MYLK4: variants seen among roughly 807,000 people sequenced by gnomAD.
MYLK4 encodes caMLCK like.
In MYLK4, 46 loss-of-function variants were observed where a neutral mutation model predicts 48.1. The observed-to-expected ratio is 0.96, with a 90% CI of 0.75 to 1.22. The LOEUF is 1.22. MYLK4 is among the 50% of genes most tolerant of loss of function. The pLI, the probability that MYLK4 is intolerant of heterozygous loss-of-function variation, is 0.00. For missense variants in MYLK4, 451 were observed against 486.1 expected (o/e 0.93, Z 0.68); for synonymous variants, 170 against 180.8 (o/e 0.94, Z 0.48).
chr6:2,685,448 C>T lies in MYLK4; in HGVS notation c.435+35G>A, dbSNP rs369747871. 37 of 934,078 alleles carry T rather than the reference C, an allele frequency of 4.0e-5. No individual in the cohort carries two copies. Among genetic ancestry groups the T allele is most frequent in the African/African-American group, 1.0e-4 (6 of 58,510 alleles). The allele number at this position is 934,078 out of a possible 1,614,324, so 57.9% of individuals were successfully genotyped here. On this transcript the variant is annotated intron_variant, in intron 5 of 12. Coordinates refer to ENST00000274643, the MANE Select transcript of MYLK4 (RefSeq NM_001012418.5). This position sits in a 1 kb window ranked among gnomAD's most constrained non-coding sequence, Gnocchi z 4.5. ...GTGCATTAGTGTGGTCAAGATGGGG[C>T]GGGGAGGGAGGGGACCACCTCCCAC... is the stretch of plus-strand genomic sequence containing the variant.
At chr6:2,727,637 C>A (rs550868585) in intron 2 of MYLK4, among the ~76,000 whole-genome samples, 1 of 152,094 alleles carries the variant, frequency 6.6e-6, no homozygotes, top group Non-Finnish European at 1.5e-5. Context: ...ACTAATAAGA[C>A]GGTTCATATC....
intron 11 of MYLK4, 109 bp downstream of exon 11, chr6:2,674,938 G>T: frequency 1.2e-6 from 1 of 847,840 alleles, no homozygotes; most frequent in South Asian, 1.5e-5. Flanking sequence ...CAGTCTGTGA[G>T]AAAAAGAATG....
At chr6:2,736,350 G>C (rs1343900014) in intron 2 of MYLK4, among the ~76,000 whole-genome samples, 1 of 152,218 alleles carries the variant, frequency 6.6e-6, no homozygotes, top group Non-Finnish European at 1.5e-5. Flanking sequence ...CGCCTCCCAG[G>C]TTCAAGCAAA....
chr6:2,710,744 A>G (rs561375150), intron 2 of MYLK4, among the ~76,000 whole-genome samples: 12 of 152,318 alleles, frequency 7.9e-5, no homozygotes, highest in Middle Eastern at 3.4e-3. Context: ...AAGAAACAAG[A>G]CCTAGACCAA....
intron 2 of MYLK4, among the ~76,000 whole-genome samples, chr6:2,716,027 T>C (rs902375796): frequency 1.3e-5 from 2 of 152,130 alleles, no homozygotes; most frequent in African/African-American, 4.8e-5. Context: ...GCCTATTTTT[T>C]TTTTAAACTC....
chr6:2,707,266 A>G (rs1460465843), intron 2 of MYLK4, among the ~76,000 whole-genome samples: 1 of 152,210 alleles, frequency 6.6e-6, no homozygotes, highest in Non-Finnish European at 1.5e-5. Flanking sequence ...CATTATTTTC[A>G]TGTATTAAAA....
the MYLK4 span, chr6:2,766,141 T>A: frequency 8.1e-7 from 1 of 1,241,282 alleles, no homozygotes; most frequent in Non-Finnish European, 1.0e-6. Context: ...GCGACGGCGA[T>A]GGCGACGGGG....
At position 2,688,867 on chromosome 6, in the gene MYLK4, T is replaced by C. The variant is rs1464730253; in HGVS notation, c.325A>G (p.Thr109Ala). The change falls in exon 4 of 13, where the codon ACA becomes GCA. Residue 109 changes from threonine to alanine, a missense_variant. By Grantham distance (58) the Thr-to-Ala change is moderately conservative. Transcript: ENST00000274643. The part of the protein sequence containing the change: ...AVNSFYTVSK[T>A]EILGGGRFGQ... Reference sequence around the variant, plus strand: ...CTTACTCACCCTCCTAGGATTTCTGTCTTGCTCACAGTATAGAAGCTGTTG... The same window carrying C: ...CTTACTCACCCTCCTAGGATTTCTGCCTTGCTCACAGTATAGAAGCTGTTG... The C allele has an allele frequency of 6.2e-7, 1 of 1,614,078 alleles. No individual in the cohort carries two copies. Among genetic ancestry groups the C allele is most frequent in the Non-Finnish European group, 8.5e-7 (1 of 1,179,902 alleles).
chr6:2,766,058 G>A, the MYLK4 span: 1 of 1,293,642 alleles, frequency 7.7e-7, no homozygotes, highest in Non-Finnish European at 9.8e-7. Context: ...GCCGGCGGCC[G>A]CCGCCGCGGC....
chr6:2,764,040 C>T, the MYLK4 span, among the ~76,000 whole-genome samples: 1 of 152,102 alleles, frequency 6.6e-6, no homozygotes, highest in African/African-American at 2.4e-5. Flanking sequence ...GCTGAGACAG[C>T]AGAATCACTG....
rs1760670708 is a variant in MYLK4 at position 2,666,752 on chromosome 6, G to A, written c.*1173C>T. Reference sequence around the variant, plus strand: ...TTCTGGGCCCCATAAGCTGTCTACAGTAGGGCCATTTCCTTTCTTACATAT... The same window carrying A: ...TTCTGGGCCCCATAAGCTGTCTACAATAGGGCCATTTCCTTTCTTACATAT... On this transcript the variant is annotated 3_prime_UTR_variant, in exon 13 of 13. Coordinates refer to ENST00000274643, the MANE Select transcript of MYLK4 (RefSeq NM_001012418.5). 1 of 152,218 alleles carries A rather than the reference G, an allele frequency of 6.6e-6. No homozygotes were observed. The highest frequency in any genetic ancestry group is 1.5e-5 in the Non-Finnish European group (1 of 68,048). 9.4% of individuals were successfully genotyped at this position (152,218 alleles called of 1,614,324 possible).
chr6:2,679,853 T>C (rs1367418369), intron 8 of MYLK4, among the ~76,000 whole-genome samples: 1 of 152,244 alleles, frequency 6.6e-6, no homozygotes, highest in Non-Finnish European at 1.5e-5. Flanking sequence ...TGAAGAATCT[T>C]TTATGTGCCA....
chr6:2,749,173 T>C lies in MYLK4; in HGVS notation c.122A>G (p.Asn41Ser), dbSNP rs760479278. Residue 41 changes from asparagine (N) to serine (S), a missense_variant, in exon 2 of 13, where the codon AAT (asparagine) becomes AGT (serine). Transcript: ENST00000274643. ...AGATCTTGAATCCTGGTCCCCAGAA[T>C]TTTTTTCCAGAAAACACTTCACTTT... is the stretch of plus-strand genomic sequence containing the variant. ...VEKVKCFLEK[N>S]SGDQDSRSGH... 1 of 1,613,250 alleles carries C rather than the reference T, an allele frequency of 6.2e-7. No individual in the cohort carries two copies. The highest frequency in any genetic ancestry group is 1.1e-5 in the South Asian group (1 of 91,044).
chr6:2,690,145 C>T (rs960785700), intron 3 of MYLK4, among the ~76,000 whole-genome samples: 2 of 152,200 alleles, frequency 1.3e-5, no homozygotes, highest in African/African-American at 4.8e-5. Context: ...ATTTCCTACC[C>T]AGTGGGGTCA....
intron 3 of MYLK4, among the ~76,000 whole-genome samples, chr6:2,690,115 A>C (rs1551777): frequency 0.35 from 52,776 of 152,066 alleles, 9,658 homozygotes; most frequent in African/African-American, 0.48. Flanking sequence ...AAAAAGCCTT[A>C]AAAGGCCCAT....
intron 2 of MYLK4, among the ~76,000 whole-genome samples, chr6:2,727,672 A>G (rs1763324366): frequency 6.6e-6 from 1 of 152,112 alleles, no homozygotes; most frequent in African/African-American, 2.4e-5. Context: ...ATTATTAATA[A>G]TAGCTATCAT....
chr6:2,700,801 T>G (rs774657298), intron 2 of MYLK4, among the ~76,000 whole-genome samples: 10 of 152,270 alleles, frequency 6.6e-5, no homozygotes, highest in Non-Finnish European at 5.9e-5. Flanking sequence ...GAAAGTGATT[T>G]AATTCCTCCA....
intron 2 of MYLK4, among the ~76,000 whole-genome samples, chr6:2,705,698 T>TA (rs1159616943): frequency 6.6e-6 from 1 of 152,182 alleles, no homozygotes; most frequent in African/African-American, 2.4e-5. Flanking sequence ...AGAAGAAATC[T>TA]GAAAAAACAA....
At chr6:2,725,706 A>G (rs2113304825) in intron 2 of MYLK4, among the ~76,000 whole-genome samples, 1 of 152,358 alleles carries the variant, frequency 6.6e-6, no homozygotes, top group South Asian at 2.1e-4. Flanking sequence ...GATAAGTAGA[A>G]TGTAAAGCTT....
Sources: allele counts gnomAD v4.1 joint callset (sites outside exome capture counted in the v4.1 genomes callset), GRCh38; gene constraint gnomAD v4.1.1; non-coding constraint Gnocchi (gnomAD v3.1); transcripts MANE v1.5; gene names NCBI Gene and HGNC (gene_info 2026-07-23, HGNC 2026-07-21).